ASPRV1: variants seen among roughly 807,000 people sequenced by gnomAD.
The protein encoded by ASPRV1 is aspartic peptidase retroviral like 1.
Under a neutral mutation model 11.0 loss-of-function variants are expected in ASPRV1, and 7 were observed. That is an observed-to-expected ratio of 0.64 (90% CI 0.36 to 1.20). ASPRV1 has a LOEUF of 1.20. ASPRV1 is among the 50% of genes most tolerant of loss of function. ASPRV1 has a pLI of 0.02. For synonymous variants in ASPRV1, 136 were observed against 138.4 expected (o/e 0.98, Z 0.12); for missense variants, 299 against 320.0 (o/e 0.93, Z 0.50).
chr2:70,078,844 C>T, the ASPRV1 span, among the ~76,000 whole-genome samples: 2 of 152,164 alleles, frequency 1.3e-5, no homozygotes, highest in Admixed American at 6.5e-5. Flanking sequence ...AAGGATTATT[C>T]TGGTCACTGT....
At chr2:70,057,318 T>C in the ASPRV1 span, among the ~76,000 whole-genome samples, 4 of 152,162 alleles carry the variant, frequency 2.6e-5, no homozygotes, top group Admixed American at 2.6e-4. Flanking sequence ...GAGTTTCTCC[T>C]CTTTTTACAT....
chr2:70,026,781 C>A, the ASPRV1 span, among the ~76,000 whole-genome samples: 1 of 151,992 alleles, frequency 6.6e-6, no homozygotes, highest in Non-Finnish European at 1.5e-5. Flanking sequence ...TTACCCAAAG[C>A]AATCTACAGA....
At chr2:69,991,028 CAT>C in the ASPRV1 span, among the ~76,000 whole-genome samples, 4 of 152,192 alleles carry the variant, frequency 2.6e-5, no homozygotes, top group East Asian at 7.7e-4. Context: ...GCCTGCTGGA[CAT>C]AAAGAACGGT....
chr2:70,031,934 G>T, the ASPRV1 span: 1 of 152,118 alleles, frequency 6.6e-6, no homozygotes, highest in African/African-American at 2.4e-5. Context: ...GAACCCACCT[G>T]GAAAAGAAAT....
the ASPRV1 span, among the ~76,000 whole-genome samples, chr2:70,040,752 T>C: frequency 1.3e-5 from 2 of 152,076 alleles, no homozygotes; most frequent in African/African-American, 2.4e-5. Flanking sequence ...GAGAATCACT[T>C]GAACCCGGGA....
upstream of ASPRV1, chr2:69,962,941 G>T (rs1298777819): frequency 3.7e-6 from 1 of 272,638 alleles, no homozygotes; most frequent in African/African-American, 2.2e-5. Context: ...CCAAACAGGA[G>T]TGATTAAGGA....
the ASPRV1 span, among the ~76,000 whole-genome samples, chr2:69,971,896 T>A: frequency 7.9e-5 from 12 of 152,200 alleles, no homozygotes; most frequent in Middle Eastern, 3.2e-3. Context: ...GGCTGCAAGC[T>A]GTGGACAAAT....
chr2:70,058,764 G>C, the ASPRV1 span, among the ~76,000 whole-genome samples: 1 of 151,168 alleles, frequency 6.6e-6, no homozygotes, highest in Non-Finnish European at 1.5e-5. Context: ...TGTTGGCCAG[G>C]CTGGTCTTGA....
At chr2:69,992,031 A>G in the ASPRV1 span, among the ~76,000 whole-genome samples, 1 of 152,108 alleles carries the variant, frequency 6.6e-6, no homozygotes, top group Non-Finnish European at 1.5e-5. Flanking sequence ...GGGGAATGTG[A>G]CCACCTATGG....
At chr2:69,950,398 A>T in the ASPRV1 span, among the ~76,000 whole-genome samples, 1 of 152,206 alleles carries the variant, frequency 6.6e-6, no homozygotes, top group Non-Finnish European at 1.5e-5. Context: ...AATACTACAC[A>T]AATGAAATCA....
At chr2:69,989,241 G>A in the ASPRV1 span, among the ~76,000 whole-genome samples, 18 of 152,348 alleles carry the variant, frequency 1.2e-4, no homozygotes, top group South Asian at 3.7e-3. Context: ...CCCAGGGTGG[G>A]GTATGGAAAC....
the ASPRV1 span, among the ~76,000 whole-genome samples, chr2:70,058,545 G>T: frequency 6.6e-6 from 1 of 150,768 alleles, no homozygotes. Flanking sequence ...CCTTTACTCT[G>T]AAGAAATTTT....
the ASPRV1 span, among the ~76,000 whole-genome samples, chr2:70,062,898 GAGCA>G: frequency 6.6e-6 from 1 of 152,122 alleles, no homozygotes; most frequent in African/African-American, 2.4e-5. Context: ...AGAACAGAAG[GAGCA>G]AGCAAAGACA....
chr2:70,012,397 G>A, the ASPRV1 span, among the ~76,000 whole-genome samples: 9 of 151,950 alleles, frequency 5.9e-5, no homozygotes, highest in East Asian at 3.9e-4. Flanking sequence ...CTCATGATCC[G>A]CCCACCTCGG....
chr2:70,028,837 G>T, the ASPRV1 span, among the ~76,000 whole-genome samples: 1 of 152,188 alleles, frequency 6.6e-6, no homozygotes, highest in South Asian at 2.1e-4. Flanking sequence ...AGCTACTCGG[G>T]AGGCTGAGGC....
chr2:70,058,621 C>T, the ASPRV1 span, among the ~76,000 whole-genome samples: 2 of 144,696 alleles, frequency 1.4e-5, no homozygotes, highest in South Asian at 2.2e-4. Context: ...GGTATGATCT[C>T]GGCTCACTGC....
the ASPRV1 span, among the ~76,000 whole-genome samples, chr2:70,009,292 T>C: frequency 2.0e-5 from 3 of 151,318 alleles, no homozygotes; most frequent in Non-Finnish European, 4.4e-5. Flanking sequence ...TATTCAGCAC[T>C]GCTTATATAA....
chr2:69,964,427 G>A, upstream of ASPRV1: 2 of 427,568 alleles, frequency 4.7e-6, no homozygotes, highest in South Asian at 3.4e-5. Flanking sequence ...TCTGTCTCTG[G>A]CTAGGATCAG....
rs753564634 is a variant in ASPRV1, at chr2:69,961,202, T to G, written c.235A>C (p.Thr79Pro). The change falls in exon 1 of 1, where the codon ACT becomes CCT. Residue 79 changes from threonine (T) to proline (P), a missense_variant. Thr to Pro is a conservative substitution (Grantham distance 38). Transcript: ENST00000320256. ...GCCTTCAGGAGGGCCTCTTTCACAG[T>G]CCCATAGTCTCCCTGGTCCTGGGGA... ...LSPQDQGDYG[T>P]VKEALLKAFG... The G allele has an allele frequency of 1.2e-6, 2 of 1,613,888 alleles. No homozygotes were observed. Among genetic ancestry groups the G allele is most frequent in the East Asian group, 4.5e-5 (2 of 44,866 alleles).
Sources: allele counts gnomAD v4.1 joint callset (sites outside exome capture counted in the v4.1 genomes callset), GRCh38; gene constraint gnomAD v4.1.1; transcripts MANE v1.5; gene names NCBI Gene and HGNC (gene_info 2026-07-23, HGNC 2026-07-21).